The following SORBS3 variants were observed in gnomAD, a reference collection of about 807,000 sequenced individuals.
The protein encoded by SORBS3 is sorbin and SH3 domain containing 3, also known as vinexin.
A neutral mutation model predicts 98.0 loss-of-function variants in SORBS3; 69 were observed. The ratio of observed to expected loss-of-function variants is 0.70; its 90% confidence interval spans 0.58 to 0.86. The LOEUF is 0.86. SORBS3 is among the 40% of genes least tolerant of loss of function. SORBS3 has a pLI of 0.00. For synonymous variants in SORBS3, 394 were observed against 355.4 expected (o/e 1.11, Z -1.22); for missense variants, 954 against 908.5 (o/e 1.05, Z -0.64).
rs967119881 is a variant in SORBS3 at position 22,575,304 on chromosome 8, C to A, written c.*576C>A. The A allele has an allele frequency of 4.1e-6, 1 of 246,350 alleles. No individual in the cohort carries two copies. The highest frequency in any genetic ancestry group is 2.3e-5 in the African/African-American group (1 of 43,126). 15.3% of individuals were successfully genotyped at this position (246,350 alleles called of 1,614,324 possible). On this transcript the variant is annotated 3_prime_UTR_variant, in exon 21 of 21. Coordinates refer to ENST00000240123, the MANE Select transcript of SORBS3 (RefSeq NM_005775.5). ...GGCAAGAGCTCTGGCCCCAAGGCCTCCTCTTCCCAGGGGCTGCCAAGTCCT... is the reference window on the plus strand; with the variant it reads ...GGCAAGAGCTCTGGCCCCAAGGCCTACTCTTCCCAGGGGCTGCCAAGTCCT...
chr8:22,559,797 C>T (rs1840256987), intron 5 of SORBS3, among the ~76,000 whole-genome samples: 1 of 152,058 alleles, frequency 6.6e-6, no homozygotes, highest in Non-Finnish European at 1.5e-5. Context: ...ATATCCAAGT[C>T]TGCAGTTCAC....
At position 22,566,339 on chromosome 8, in the gene SORBS3, G is replaced by A; in HGVS notation, c.951-6G>A. ...GCTGGAGGCTCAGTCTCTGTGCCCC[G>A]TGCAGCCCGGCCTCAGCCTGGAGCT... is the stretch of plus-strand genomic sequence containing the variant. On this transcript the variant is annotated splice_region_variant and splice_polypyrimidine_tract_variant and intron_variant, in intron 12 of 20. Coordinates refer to ENST00000240123, the MANE Select transcript of SORBS3 (RefSeq NM_005775.5). The A allele has an allele frequency of 6.2e-7, 1 of 1,612,454 alleles. No individual in the cohort carries two copies. The highest frequency in any genetic ancestry group is 1.3e-5 in the African/African-American group (1 of 75,032).
At chr8:22,549,993 A>G, upstream of SORBS3, 1 of 985,430 alleles carries the variant, frequency 1.0e-6, no homozygotes, top group Non-Finnish European at 1.2e-6. Flanking sequence ...CAGCTTCACC[A>G]TCTTGGGAGA....
In SORBS3 at chr8:22,554,590, T is replaced by C. The variant is rs765709663; in HGVS notation, c.84T>C (p.Ser28=). 5.0e-6 allele frequency: 8 copies of C among 1,612,660 alleles called. No homozygotes were observed. The East Asian group carries it at 1.3e-4, about 27-fold the overall frequency. Reference sequence around the variant, plus strand: ...GCCACCTCCAGTCCCACATAGGGTCTTCCTCCCGGGGGACACGGGTGAGTG... The same window carrying C: ...GCCACCTCCAGTCCCACATAGGGTCCTCCTCCCGGGGGACACGGGTGAGTG... ...IPGHLQSHIG[S]SSRGTRVPVI... is the part of the protein sequence containing the mutation. Residue 28 remains serine (S), a synonymous_variant, in exon 2 of 21, where the codon TCT becomes TCC. Transcript: ENST00000240123. This position sits in a 1 kb window ranked among gnomAD's most constrained non-coding sequence, Gnocchi z 6.5.
At chr8:22,561,667 G>A in intron 6 of SORBS3, 198 bp from the exon 7 acceptor site, 1 of 622,332 alleles carries the variant, frequency 1.6e-6, no homozygotes, top group Non-Finnish European at 2.9e-6. Context: ...TTGTTTTGAA[G>A]ATGTAGTAAA....
intron 3 of SORBS3, 151 bp from the exon 4 acceptor site, chr8:22,556,564 C>A: frequency 3.0e-6 from 2 of 660,664 alleles, no homozygotes; most frequent in Non-Finnish European, 2.7e-6. Flanking sequence ...CAAACAGAGG[C>A]CCGTGGTGCT....
intron 1 of SORBS3, 49 bp downstream of exon 1, chr8:22,552,071 G>C: frequency 1.0e-6 from 1 of 985,282 alleles, no homozygotes; most frequent in Non-Finnish European, 1.2e-6. Context: ...CGGCGGGAGG[G>C]ATCCGTGCCC....
intron 1 of SORBS3, among the ~76,000 whole-genome samples, chr8:22,553,661 G>A (rs1840128995): frequency 6.6e-6 from 1 of 152,206 alleles, no homozygotes; most frequent in Non-Finnish European, 1.5e-5. Flanking sequence ...AGCCTGGAGG[G>A]GCGGGAGAAA....
intron 18 of SORBS3, 132 bp downstream of exon 18, chr8:22,571,353 G>A (rs2117297268): frequency 1.6e-6 from 1 of 624,318 alleles, no homozygotes; most frequent in South Asian, 2.0e-5. Context: ...CAGGGCAGAA[G>A]CTAGTATGGC....
At chr8:22,562,288 G>T (rs1269304212) in intron 7 of SORBS3, among the ~76,000 whole-genome samples, 1 of 152,242 alleles carries the variant, frequency 6.6e-6, no homozygotes, top group Non-Finnish European at 1.5e-5. Context: ...GGACAGAACT[G>T]TTGAGGGGAA....
chr8:22,551,082 A>AAC (rs1301077662), upstream of SORBS3, among the ~76,000 whole-genome samples: 1 of 152,174 alleles, frequency 6.6e-6, no homozygotes, highest in East Asian at 1.9e-4. The surrounding 1 kb of genome is among the most constrained non-coding windows in gnomAD (Gnocchi z 5.8). Flanking sequence ...GATCAAAACA[A>AAC]ACACAGTGTC....
chr8:22,569,380 G>T (rs112260796), intron 17 of SORBS3, 107 bp downstream of exon 17: 29 of 1,029,682 alleles, frequency 2.8e-5, no homozygotes, highest in South Asian at 3.9e-5. Flanking sequence ...TCACTCTATC[G>T]CCAGGCTGTA....
chr8:22,562,982 G>A (rs989061664), intron 7 of SORBS3, among the ~76,000 whole-genome samples: 9 of 152,270 alleles, frequency 5.9e-5, no homozygotes, highest in South Asian at 4.1e-4. Context: ...AGCCGGGCGC[G>A]GTGGCGGGTG....
chr8:22,559,255 G>T (rs750132625), intron 5 of SORBS3, among the ~76,000 whole-genome samples: 1 of 152,212 alleles, frequency 6.6e-6, no homozygotes, highest in Non-Finnish European at 1.5e-5. Context: ...CAGTGGCCCT[G>T]GTGGGACAGG....
chr8:22,571,505 C>G (rs1840583926), intron 18 of SORBS3, among the ~76,000 whole-genome samples: 1 of 152,200 alleles, frequency 6.6e-6, no homozygotes. Context: ...CAGGCACTGA[C>G]CTTACTTGGG....
rs1051648948 is a variant in SORBS3 at position 22,552,015 on chromosome 8, C to T, written c.-63C>T. 194 of 984,752 alleles carry T rather than the reference C, an allele frequency of 2.0e-4. No homozygotes were observed. The highest frequency in any genetic ancestry group is 2.1e-4 in the Non-Finnish European group (177 of 829,818). 61.0% of individuals were successfully genotyped at this position (984,752 alleles called of 1,614,324 possible). A position where few individuals can be genotyped will look rare whatever the true frequency, so the allele number is the denominator to read the frequency against. ...GCCTCGGGCCCAGCCACCTGCTCGC[C>T]GGGGAAGGTAGGTCCGGGCAAGGAG... On this transcript the variant is annotated 5_prime_UTR_variant, in exon 1 of 21. Transcript: ENST00000240123.
At position 22,565,795 on chromosome 8, in the gene SORBS3, C is replaced by T. The variant is rs761301844; in HGVS notation, c.904-31C>T. 156 of 1,318,370 alleles carry T rather than the reference C, an allele frequency of 1.2e-4. 2 individuals carry two copies. Among genetic ancestry groups the T allele is most frequent in the South Asian group, 4.3e-4 (22 of 50,898 alleles). 81.7% of individuals were successfully genotyped at this position (1,318,370 alleles called of 1,614,324 possible). ...CGGCTGCCGCTGGGTCCCGGGGTCGCGGGCCCTGATTGCGCCGTTTCCCCG... is the reference window on the plus strand; with the variant it reads ...CGGCTGCCGCTGGGTCCCGGGGTCGTGGGCCCTGATTGCGCCGTTTCCCCG... On this transcript the variant is annotated intron_variant, in intron 11 of 20. Transcript: ENST00000240123.
At chr8:22,559,340 A>C (rs546382464) in intron 5 of SORBS3, among the ~76,000 whole-genome samples, 1 of 152,146 alleles carries the variant, frequency 6.6e-6, no homozygotes, top group Admixed American at 6.5e-5. Flanking sequence ...AGAGTCAAGG[A>C]TGGTTTTAAA....
At chr8:22,565,595 C>A (rs924098663) in intron 11 of SORBS3, 1 of 763,500 alleles carries the variant, frequency 1.3e-6, no homozygotes, top group South Asian at 6.4e-5. Context: ...CACGTCAGCC[C>A]GACGACCGGG....
Sources: allele counts gnomAD v4.1 joint callset (sites outside exome capture counted in the v4.1 genomes callset), GRCh38; gene constraint gnomAD v4.1.1; non-coding constraint Gnocchi (gnomAD v3.1); transcripts MANE v1.5; gene names NCBI Gene and HGNC (gene_info 2026-07-23, HGNC 2026-07-21).